EVA1C: variants seen among roughly 807,000 people sequenced by gnomAD.
EVA1C encodes protein eva-1 homolog C.
EVA1C carries 25 observed loss-of-function variants against 45.4 expected under a neutral mutation model. That is an observed-to-expected ratio of 0.55 (90% confidence interval 0.40 to 0.77). The LOEUF is 0.77. EVA1C is among the 30% of genes least tolerant of loss of function. EVA1C has a pLI of 0.00. For synonymous variants in EVA1C, 190 were observed against 221.2 expected (o/e 0.86, Z 1.25); for missense variants, 479 against 554.8 (o/e 0.86, Z 1.37).
At chr21:32,508,362 A>G (rs1311939813) in intron 7 of EVA1C, among the ~76,000 whole-genome samples, 1 of 152,170 alleles carries the variant, frequency 6.6e-6, no homozygotes. Flanking sequence ...GCGCAGGGGT[A>G]AGGAAGCTGG....
chr21:32,464,546 G>C (rs1184366968), intron 3 of EVA1C, among the ~76,000 whole-genome samples: 2 of 152,234 alleles, frequency 1.3e-5, no homozygotes, highest in East Asian at 1.9e-4. Context: ...TTTAGGCCAG[G>C]CATGGTGACT....
chr21:32,425,423 A>G (rs1164427614), intron 1 of EVA1C, among the ~76,000 whole-genome samples: 1 of 151,410 alleles, frequency 6.6e-6, no homozygotes, highest in Non-Finnish European at 1.5e-5. Context: ...GCCTTGAGCG[A>G]TTCTCCTGTC....
intron 4 of EVA1C, among the ~76,000 whole-genome samples, chr21:32,481,496 C>T (rs369007922): frequency 7.2e-6 from 1 of 139,496 alleles, no homozygotes; most frequent in African/African-American, 2.7e-5. Flanking sequence ...CAGTCAACCC[C>T]GTGCAGCCAC....
intron 5 of EVA1C, among the ~76,000 whole-genome samples, chr21:32,500,673 G>T (rs1193769659): frequency 6.6e-6 from 1 of 151,112 alleles, no homozygotes; most frequent in Non-Finnish European, 1.5e-5. Context: ...TCTGTCTCTA[G>T]ATTTGCCTTT....
intron 1 of EVA1C, 101 bp downstream of exon 1, chr21:32,413,114 T>A (rs1344793023): frequency 6.5e-6 from 7 of 1,074,208 alleles, no homozygotes; most frequent in Non-Finnish European, 8.6e-6. Context: ...CGGGGTAGGA[T>A]TAAAGTTGAG....
At chr21:32,507,457 CGT>C (rs973947456) in intron 7 of EVA1C, among the ~76,000 whole-genome samples, 2 of 138,036 alleles carry the variant, frequency 1.4e-5, no homozygotes, top group East Asian at 2.1e-4. Flanking sequence ...TATGCGTGTG[CGT>C]GTGTGCATGT....
At chr21:32,492,267 C>T (rs906623915) in intron 4 of EVA1C, among the ~76,000 whole-genome samples, 2 of 151,970 alleles carry the variant, frequency 1.3e-5, no homozygotes, top group African/African-American at 4.8e-5. Flanking sequence ...TTAGGATCAC[C>T]CCTCATCTCT....
chr21:32,457,127 C>A (rs1601315896), intron 2 of EVA1C, among the ~76,000 whole-genome samples: 1 of 152,188 alleles, frequency 6.6e-6, no homozygotes, highest in East Asian at 1.9e-4. Flanking sequence ...CTCCCCGATG[C>A]ACAGCTCTCC....
intron 4 of EVA1C, among the ~76,000 whole-genome samples, chr21:32,475,844 GT>G (rs1041875999): frequency 1.3e-5 from 2 of 152,088 alleles, no homozygotes; most frequent in Admixed American, 6.6e-5. Context: ...GCATGAGTAT[GT>G]TTACAGTTCT....
intron 5 of EVA1C, among the ~76,000 whole-genome samples, chr21:32,497,983 T>C (rs2146418786): frequency 6.6e-6 from 1 of 152,116 alleles, no homozygotes; most frequent in South Asian, 2.1e-4. Flanking sequence ...AATTATGAGA[T>C]TTGGGTGGGG....
chr21:32,495,426 A>G (rs368011365), intron 5 of EVA1C, among the ~76,000 whole-genome samples: 1 of 152,160 alleles, frequency 6.6e-6, no homozygotes, highest in African/African-American at 2.4e-5. Context: ...TTGGCAGCCA[A>G]TGGGGAGGGT....
chr21:32,464,886 T>G lies in EVA1C; in HGVS notation c.482-2810T>G, dbSNP rs151125990. The stretch of plus-strand genomic sequence containing the variant: ...GTCTTTCATTTTTTAAGTTTGGAGC[T>G]TAGCATCACTGACACCAGGATAAGA... On this transcript the variant is annotated intron_variant, in intron 3 of 7. Transcript: ENST00000300255. 1.4e-4 allele frequency among the ~76,000 whole-genome samples: 21 copies of G among 152,318 alleles called. No homozygotes were observed. The East Asian group carries it at 4.1e-3, about 29-fold the overall frequency.
At chr21:32,510,976 G>T (rs2037927298) in intron 7 of EVA1C, among the ~76,000 whole-genome samples, 1 of 152,152 alleles carries the variant, frequency 6.6e-6, no homozygotes, top group Non-Finnish European at 1.5e-5. Flanking sequence ...GGAATTCAAG[G>T]CTGCAGCAGG....
chr21:32,493,813 T>C (rs974999854), intron 4 of EVA1C: 3 of 147,838 alleles, frequency 2.0e-5, no homozygotes, highest in African/African-American at 7.8e-5. Flanking sequence ...TTTATTTATT[T>C]ATTTGAGACG....
At chr21:32,447,643 C>T (rs1420154613) in intron 1 of EVA1C, among the ~76,000 whole-genome samples, 9 of 152,108 alleles carry the variant, frequency 5.9e-5, no homozygotes, top group South Asian at 2.1e-4. Flanking sequence ...CTTTGGGGGC[C>T]GTTATTCTGC....
At chr21:32,415,254 A>C (rs1367023625) in intron 1 of EVA1C, among the ~76,000 whole-genome samples, 6 of 152,202 alleles carry the variant, frequency 3.9e-5, no homozygotes, top group Non-Finnish European at 8.8e-5. Flanking sequence ...GCCTGATCAC[A>C]ATAACCAGGG....
intron 1 of EVA1C, among the ~76,000 whole-genome samples, chr21:32,421,583 A>T (rs975916011): frequency 2.0e-5 from 3 of 152,250 alleles, no homozygotes; most frequent in African/African-American, 7.2e-5. Flanking sequence ...GTCCCATGAT[A>T]CCTGGCAAAA....
At chr21:32,419,548 G>A (rs1360912324) in intron 1 of EVA1C, among the ~76,000 whole-genome samples, 1 of 151,942 alleles carries the variant, frequency 6.6e-6, no homozygotes, top group East Asian at 1.9e-4. Context: ...AACCCCATCT[G>A]TACTAAAAAT....
At position 32,453,436 on chromosome 21, in the gene EVA1C, A is replaced by G. The variant is rs149428105; in HGVS notation, c.285A>G (p.Gln95=). ...VQSAFYGQDY[Q]MCSSQKPASQ... ...CGGCATTTTATGGGCAAGATTACCA[A>G]ATGTGTAGTTCCCAGAAGCCTGCCT... Residue 95 remains glutamine (Q), a synonymous_variant, in exon 2 of 8, where the codon CAA becomes CAG. Coordinates refer to ENST00000300255, the MANE Select transcript of EVA1C (RefSeq NM_058187.5). 1.0e-4 allele frequency: 164 copies of G among 1,611,560 alleles called. No individual in the cohort carries two copies. Among genetic ancestry groups the G allele is most frequent in the Non-Finnish European group, 1.3e-4 (158 of 1,179,662 alleles).
Sources: gnomAD v4.1 joint callset for allele counts (sites outside exome capture counted in the v4.1 genomes callset) on GRCh38, gnomAD v4.1.1 for gene constraint, MANE v1.5 for transcripts, NCBI Gene and HGNC (gene_info 2026-07-23, HGNC 2026-07-21) for gene names.